The following POU6F2 variants were observed in gnomAD, a reference collection of about 807,000 sequenced individuals.
POU6F2 encodes the protein POU domain, class 6, transcription factor 2.
Under a neutral mutation model 71.3 loss-of-function variants are expected in POU6F2, and 31 were observed. The ratio of observed to expected loss-of-function variants is 0.43; its 90% CI spans 0.33 to 0.59. The LOEUF (loss-of-function observed/expected upper bound fraction) is 0.59. Among genes scored for constraint, POU6F2 ranks in the 20% least tolerant of loss-of-function variants. The probability of loss-of-function intolerance (pLI) is 0.04; values close to 1 mark genes in which losing one functional copy is unlikely to be tolerated. For missense variants in POU6F2, 783 were observed against 856.8 expected (o/e 0.91, Z 1.07); for synonymous variants, 347 against 355.7 (o/e 0.98, Z 0.27).
At chr7:39,199,572 A>T (rs28718047) in intron 2 of POU6F2, among the ~76,000 whole-genome samples, 21,678 of 152,038 alleles carry the variant, frequency 0.14, 1,661 homozygotes, top group African/African-American at 0.19. Flanking sequence ...TTCTTCAGGG[A>T]CTCAGCTTGA....
At chr7:39,414,712 G>GT (rs566264825) in intron 6 of POU6F2, among the ~76,000 whole-genome samples, 6 of 112,274 alleles carry the variant, frequency 5.3e-5, no homozygotes, top group Non-Finnish European at 1.2e-4. Context: ...CTTCTACCCC[G>GT]CCCCCCCACC....
chr7:39,167,058 T>A (rs1793128628), intron 2 of POU6F2, among the ~76,000 whole-genome samples: 1 of 152,188 alleles, frequency 6.6e-6, no homozygotes, highest in African/African-American at 2.4e-5. Flanking sequence ...CCAGCAAACA[T>A]TTAGAATAGT....
At chr7:38,993,611 A>AACACACACACACACAC (rs10553247) in intron 1 of POU6F2, among the ~76,000 whole-genome samples, 1 of 130,494 alleles carries the variant, frequency 7.7e-6, no homozygotes, top group African/African-American at 2.8e-5. Flanking sequence ...CAGGATTTTA[A>AACACACACACACACAC]ACACACACAC....
In POU6F2 at chr7:39,207,463, C is replaced by A. The variant is rs757118840; in HGVS notation, c.441C>A (p.Asn147Lys). Residue 147 changes from asparagine to lysine, a missense_variant, in exon 4 of 10, where the codon AAC becomes AAA. Physicochemically the swap from Asn to Lys is moderately conservative, Grantham distance 94. Transcript: ENST00000518318. ...GVMPGGPPAL[N>K]QPILIPFNMA... Reference sequence around the variant, plus strand: ...TGCCGGGAGGCCCCCCAGCCCTCAACCAGCCAATCCTCATTCCCTTCAACA... The same window carrying A: ...TGCCGGGAGGCCCCCCAGCCCTCAAACAGCCAATCCTCATTCCCTTCAACA... The A allele has an allele frequency of 1.5e-5, 25 of 1,614,032 alleles. No individual in the cohort carries two copies. In the South Asian group the frequency reaches 2.7e-4, roughly 18 times the overall value.
chr7:39,380,529 C>T (rs1786806270), intron 5 of POU6F2, among the ~76,000 whole-genome samples: 1 of 152,134 alleles, frequency 6.6e-6, no homozygotes, highest in African/African-American at 2.4e-5. Context: ...ATTAGCACTG[C>T]TTCTATTACA....
chr7:39,169,196 G>A (rs1035958760), intron 2 of POU6F2, among the ~76,000 whole-genome samples: 1 of 152,188 alleles, frequency 6.6e-6, no homozygotes, highest in South Asian at 2.1e-4. Context: ...GATCTGATTA[G>A]ATCCAGCATC....
chr7:39,445,583 C>T (rs115585112), intron 7 of POU6F2, among the ~76,000 whole-genome samples: 1,529 of 152,284 alleles, frequency 0.01, 18 homozygotes, highest in African/African-American at 0.035. Flanking sequence ...TCTGTAAAGC[C>T]TCTCTGAATG....
In POU6F2 at chr7:39,279,840, G is replaced by A. The variant is rs548739854; in HGVS notation, c.599-59802G>A. On this transcript the variant is annotated intron_variant, in intron 4 of 9. Coordinates refer to ENST00000518318, the MANE Select transcript of POU6F2 (RefSeq NM_001370959.1). ...CGGCTTCCTGCAACCTCCACCTCCC[G>A]GGTTCAAGTGATTCTCCTGCCTCAG... Among the ~76,000 whole-genome samples the A allele has an allele frequency of 5.3e-5, 8 of 152,140 alleles. 1 individual carries two copies. Among genetic ancestry groups the A allele is most frequent in the Admixed American group, 1.3e-4 (2 of 15,280 alleles).
intron 1 of POU6F2, among the ~76,000 whole-genome samples, chr7:39,030,543 T>TATATATATATGTATAC (rs1491146903): frequency 0.013 from 1,181 of 87,904 alleles, 98 homozygotes; most frequent in East Asian, 0.062. Context: ...TATATATATA[T>TATATATATATGTATAC]ACACACACAT....
intron 1 of POU6F2, among the ~76,000 whole-genome samples, chr7:38,992,407 C>A (rs1788628622): frequency 6.6e-6 from 1 of 152,274 alleles, no homozygotes; most frequent in African/African-American, 2.4e-5. Context: ...CTGCATAACA[C>A]GTTTAATTTA....
intron 4 of POU6F2, among the ~76,000 whole-genome samples, chr7:39,230,511 G>T (rs1366325859): frequency 6.6e-6 from 1 of 151,340 alleles, no homozygotes; most frequent in African/African-American, 2.4e-5. Context: ...AAAAGTTCAA[G>T]ATAGCATGGT....
intron 4 of POU6F2, among the ~76,000 whole-genome samples, chr7:39,238,949 A>G (rs1224115570): frequency 6.6e-6 from 1 of 152,196 alleles, no homozygotes; most frequent in African/African-American, 2.4e-5. Context: ...TCACATTTAT[A>G]TGTTCTTAGA....
chr7:39,191,965 T>C (rs1793679213), intron 2 of POU6F2, among the ~76,000 whole-genome samples: 1 of 152,224 alleles, frequency 6.6e-6, no homozygotes, highest in Non-Finnish European at 1.5e-5. Flanking sequence ...GAGACATTAA[T>C]TTGAGTTTTC....
chr7:38,997,477 G>A (rs979371209), intron 1 of POU6F2, among the ~76,000 whole-genome samples: 2 of 152,148 alleles, frequency 1.3e-5, no homozygotes, highest in Non-Finnish European at 2.9e-5. Flanking sequence ...GCCTGAACCA[G>A]CCTGGCCTCA....
intron 1 of POU6F2, among the ~76,000 whole-genome samples, chr7:38,992,133 A>G (rs1329967682): frequency 2.6e-5 from 4 of 152,136 alleles, no homozygotes; most frequent in Admixed American, 2.6e-4. Flanking sequence ...AGTGGGCACT[A>G]TGGAATGACT....
intron 9 of POU6F2, among the ~76,000 whole-genome samples, chr7:39,462,879 A>G (rs1788982227): frequency 6.6e-6 from 1 of 152,242 alleles, no homozygotes; most frequent in African/African-American, 2.4e-5. Flanking sequence ...TTATCACATT[A>G]TAAGAGATCT....
chr7:39,015,861 A>AG (rs1491232563), intron 1 of POU6F2, among the ~76,000 whole-genome samples: 3 of 57,234 alleles, frequency 5.2e-5, no homozygotes, highest in African/African-American at 7.1e-5. Flanking sequence ...AGATATATAT[A>AG]ATATATTATA....
intron 2 of POU6F2, among the ~76,000 whole-genome samples, chr7:39,113,449 TAA>T (rs1791864670): frequency 6.6e-6 from 1 of 151,942 alleles, no homozygotes; most frequent in Non-Finnish European, 1.5e-5. Context: ...AAATCAAAAT[TAA>T]AAGACAGAAG....
intron 8 of POU6F2, among the ~76,000 whole-genome samples, chr7:39,453,277 A>C (rs1788703867): frequency 6.6e-6 from 1 of 152,186 alleles, no homozygotes. Context: ...GGATAAAGTG[A>C]ATTTAATTAT....
Sources: gnomAD v4.1 joint callset for allele counts (sites outside exome capture counted in the v4.1 genomes callset) on GRCh38, gnomAD v4.1.1 for gene constraint, MANE v1.5 for transcripts, NCBI Gene and HGNC (gene_info 2026-07-23, HGNC 2026-07-21) for gene names.